ARL15: variants seen among roughly 807,000 people sequenced by gnomAD.
ARL15 encodes the protein ARF like GTPase 15, also known as ADP-ribosylation factor-like protein 15.
Under a neutral mutation model 25.2 loss-of-function variants are expected in ARL15, and 19 were observed. The observed-to-expected ratio is 0.75, with a 90% CI of 0.53 to 1.10. ARL15 has a LOEUF of 1.10. Among genes scored for constraint, ARL15 ranks in the 50% least tolerant of loss-of-function variants. The probability of loss-of-function intolerance (pLI) is 0.00; values close to 1 mark genes in which losing one functional copy is unlikely to be tolerated. For synonymous variants in ARL15, 94 were observed against 86.8 expected (o/e 1.08, Z -0.46); for missense variants, 220 against 246.0 (o/e 0.89, Z 0.71).
chr5:54,162,254 C>G (rs1754427446), intron 2 of ARL15, among the ~76,000 whole-genome samples: 1 of 152,102 alleles, frequency 6.6e-6, no homozygotes, highest in African/African-American at 2.4e-5. Context: ...AATGAACACA[C>G]AGGTCCAAAC....
chr5:53,952,342 T>C (rs1264661108), intron 4 of ARL15, among the ~76,000 whole-genome samples: 1 of 152,216 alleles, frequency 6.6e-6, no homozygotes, highest in Non-Finnish European at 1.5e-5. Flanking sequence ...TTTTTATGTT[T>C]AAACTTTTTA....
intron 1 of ARL15, among the ~76,000 whole-genome samples, chr5:54,221,556 T>C (rs1418545477): frequency 6.6e-6 from 1 of 152,162 alleles, no homozygotes; most frequent in Non-Finnish European, 1.5e-5. Flanking sequence ...ATGGGGTGTG[T>C]ATACACACAC....
Position 54,178,861 on chromosome 5 carries a change from C to A in ARL15, c.49-6933G>T, listed in dbSNP as rs1579878502. ...AATGTAAACCCAGTACAAAATACAA[C>A]ACATTACAAAATGTGTTACGGGATT... On this transcript the variant is annotated intron_variant, in intron 1 of 4. Coordinates refer to ENST00000504924, the MANE Select transcript of ARL15 (RefSeq NM_019087.3). Among the ~76,000 whole-genome samples, 4 of 152,218 alleles carry A rather than the reference C, an allele frequency of 2.6e-5. No homozygotes were observed. In the East Asian group the frequency reaches 7.7e-4, roughly 29 times the overall value.
rs997290950 is a variant in ARL15, at chr5:54,033,262, G to A, written c.462+79940C>T. Reference sequence around the variant, plus strand: ...TGGGAGGTGGAAGTTGCAGTGAGCTGAGATCACACCACTGCACTCCAGCTG... The same window carrying A: ...TGGGAGGTGGAAGTTGCAGTGAGCTAAGATCACACCACTGCACTCCAGCTG... On this transcript the variant is annotated intron_variant, in intron 4 of 4. Transcript: ENST00000504924. Among the ~76,000 whole-genome samples, 20 of 152,084 alleles carry A rather than the reference G, an allele frequency of 1.3e-4. 1 individual carries two copies. The highest frequency in any genetic ancestry group is 2.5e-4 in the Non-Finnish European group (17 of 67,982).
At chr5:54,282,095 T>G (rs1758074485) in intron 1 of ARL15, among the ~76,000 whole-genome samples, 1 of 152,236 alleles carries the variant, frequency 6.6e-6, no homozygotes, top group African/African-American at 2.4e-5. Flanking sequence ...AGGAGTAGAA[T>G]TACTCAGTCA....
intron 4 of ARL15, among the ~76,000 whole-genome samples, chr5:54,085,134 A>G (rs999801839): frequency 1.3e-5 from 2 of 152,198 alleles, no homozygotes; most frequent in African/African-American, 2.4e-5. Flanking sequence ...CACTGCTACC[A>G]TGTCTTTTCT....
At chr5:53,887,388 G>A (rs1398351463) in intron 4 of ARL15, 5 of 699,180 alleles carry the variant, frequency 7.2e-6, no homozygotes, top group South Asian at 1.5e-5. Context: ...AATTTTCTAG[G>A]ATGGAAAAAG....
At chr5:53,976,803 T>C (rs929719072) in intron 4 of ARL15, among the ~76,000 whole-genome samples, 7 of 152,070 alleles carry the variant, frequency 4.6e-5, no homozygotes, top group East Asian at 1.9e-4. Context: ...GCTGGCAGTA[T>C]GTGAGTATCG....
chr5:54,143,085 T>G (rs1482045496), intron 3 of ARL15, among the ~76,000 whole-genome samples: 1 of 152,180 alleles, frequency 6.6e-6, no homozygotes, highest in African/African-American at 2.4e-5. Context: ...ACATATATTT[T>G]CTATTTGATT....
At chr5:54,059,562 T>C (rs1750999508) in intron 4 of ARL15, among the ~76,000 whole-genome samples, 1 of 152,090 alleles carries the variant, frequency 6.6e-6, no homozygotes, top group Admixed American at 6.6e-5. Flanking sequence ...AAAACAGTAT[T>C]TGAGAAAATG....
chr5:54,141,214 G>T (rs1482878937), intron 3 of ARL15, among the ~76,000 whole-genome samples: 1 of 152,022 alleles, frequency 6.6e-6, no homozygotes, highest in Non-Finnish European at 1.5e-5. Context: ...TTAGCACTGA[G>T]ATTTTAAAAG....
At chr5:54,260,153 G>A (rs759887999) in intron 1 of ARL15, among the ~76,000 whole-genome samples, 10 of 152,054 alleles carry the variant, frequency 6.6e-5, no homozygotes, top group African/African-American at 9.7e-5. Context: ...TACAGCATGC[G>A]CATCTTTAAT....
intron 4 of ARL15, among the ~76,000 whole-genome samples, chr5:53,920,162 G>A (rs7701591): frequency 0.58 from 88,446 of 151,948 alleles, 26,635 homozygotes; most frequent in African/African-American, 0.75. Flanking sequence ...CTTCCTTCCC[G>A]TAAGTACCTT....
At chr5:54,006,684 G>A (rs1332132148) in intron 4 of ARL15, among the ~76,000 whole-genome samples, 1 of 152,046 alleles carries the variant, frequency 6.6e-6, no homozygotes, top group East Asian at 1.9e-4. Context: ...CTTAAAATGA[G>A]GCTGTCATTG....
At chr5:54,019,750 A>G (rs1391665521) in intron 4 of ARL15, among the ~76,000 whole-genome samples, 1 of 152,226 alleles carries the variant, frequency 6.6e-6, no homozygotes, top group African/African-American at 2.4e-5. Context: ...GATTCTGTAA[A>G]AAATCTGGAA....
chr5:54,110,454 C>A (rs935179226), intron 4 of ARL15, among the ~76,000 whole-genome samples: 2 of 151,958 alleles, frequency 1.3e-5, no homozygotes, highest in Non-Finnish European at 2.9e-5. Context: ...GAATCAATAG[C>A]CTTTATGACT....
chr5:54,215,519 T>A (rs1332383493), intron 1 of ARL15, among the ~76,000 whole-genome samples: 1 of 149,188 alleles, frequency 6.7e-6, no homozygotes, highest in Non-Finnish European at 1.5e-5. Context: ...TATCATGAAG[T>A]CATACACATA....
chr5:54,285,949 A>G (rs566975264), intron 1 of ARL15, among the ~76,000 whole-genome samples: 1 of 152,212 alleles, frequency 6.6e-6, no homozygotes, highest in Non-Finnish European at 1.5e-5. Context: ...TCTGTCAATT[A>G]TGCTTTAGTC....
intron 2 of ARL15, among the ~76,000 whole-genome samples, chr5:54,160,408 C>A (rs542271022): frequency 6.6e-6 from 1 of 151,926 alleles, no homozygotes; most frequent in Non-Finnish European, 1.5e-5. Context: ...TTTTTCAATT[C>A]AAAGTGTTCA....
Sources: gnomAD v4.1 joint callset for allele counts (sites outside exome capture counted in the v4.1 genomes callset) on GRCh38, gnomAD v4.1.1 for gene constraint, MANE v1.5 for transcripts, NCBI Gene and HGNC (gene_info 2026-07-23, HGNC 2026-07-21) for gene names.